Variants in SEC24B observed in about 807,000 individuals in gnomAD.
The protein encoded by SEC24B is SEC24 homolog B, COPII component, also known as protein transport protein Sec24B.
SEC24B carries 45 observed loss-of-function variants against 142.8 expected under a neutral mutation model. The ratio of observed to expected loss-of-function variants is 0.32; its 90% CI spans 0.25 to 0.40. The LOEUF (loss-of-function observed/expected upper bound fraction) is 0.40, where lower values mean the gene tolerates loss of function less well. SEC24B is among the 10% of genes least tolerant of loss of function. The probability of loss-of-function intolerance (pLI) is 1.00; values close to 1 mark genes in which losing one functional copy is unlikely to be tolerated. For synonymous variants in SEC24B, 574 were observed against 568.2 expected (o/e 1.01, Z -0.15); for missense variants, 1,409 against 1,526.8 (o/e 0.92, Z 1.29).
intron 4 of SEC24B, among the ~76,000 whole-genome samples, chr4:109,488,402 A>AATGGCATCCACATT (rs1166351488): frequency 6.6e-6 from 1 of 152,034 alleles, no homozygotes; most frequent in East Asian, 1.9e-4. Flanking sequence ...CTTTTAACAT[A>AATGGCATCCACATT]ATGTTTTCAA....
chr4:109,530,224 TTC>T (rs1724745651), intron 18 of SEC24B, 63 bp from the exon 19 acceptor site: 1 of 1,367,754 alleles, frequency 7.3e-7, no homozygotes, highest in Non-Finnish European at 9.8e-7. Context: ...CGTATAAATT[TTC>T]TCTCTTATAG....
rs559800521 is a variant in SEC24B, at chr4:109,449,598, G to T, written c.134-13303G>T. ...AGTGTCAGCATGGTCATATTCTAAT[G>T]AGGGCCCTCTATCCACCTTGTCACT... On this transcript the variant is annotated intron_variant, in intron 1 of 23. Transcript: ENST00000265175. 1,359 of 443,004 alleles carry T rather than the reference G, an allele frequency of 3.1e-3. 16 individuals carry two copies. The highest frequency in any genetic ancestry group is 9.0e-3 in the Middle Eastern group (27 of 2,988). The allele number at this position is 443,004 out of a possible 1,614,324, so 27.4% of individuals were successfully genotyped here. A position where few individuals can be genotyped will look rare whatever the true frequency, so the allele number is the denominator to read the frequency against.
At chr4:109,437,068 A>G (rs542566591) in intron 1 of SEC24B, among the ~76,000 whole-genome samples, 9 of 152,334 alleles carry the variant, frequency 5.9e-5, no homozygotes, top group African/African-American at 2.2e-4. Context: ...TACTTGTGAT[A>G]CTTATGATAG....
At chr4:109,502,100 G>A (rs1360412472) in intron 6 of SEC24B, among the ~76,000 whole-genome samples, 4 of 152,174 alleles carry the variant, frequency 2.6e-5, no homozygotes, top group Non-Finnish European at 5.9e-5. Flanking sequence ...GAAAGAAAAA[G>A]CATGGAAGGA....
At chr4:109,457,112 A>C (rs922785065) in intron 1 of SEC24B, among the ~76,000 whole-genome samples, 1 of 152,214 alleles carries the variant, frequency 6.6e-6, no homozygotes, top group African/African-American at 2.4e-5. Context: ...GTTTTTACTC[A>C]TGGATTTTCC....
rs939233583 is a variant in SEC24B at position 109,530,274 on chromosome 4, T to G, written c.3077-15T>G. 2 of 1,603,880 alleles carry G rather than the reference T, an allele frequency of 1.2e-6. No individual in the cohort carries two copies. Among genetic ancestry groups the G allele is most frequent in the Non-Finnish European group, 1.7e-6 (2 of 1,173,176 alleles). ...TCTAATGGTTAAAATACCTTTCACT[T>G]TGGTTGCTTTTTAGCTGTGGATCGG... On this transcript the variant is annotated splice_polypyrimidine_tract_variant and intron_variant, in intron 18 of 23. Coordinates refer to ENST00000265175, the MANE Select transcript of SEC24B (RefSeq NM_006323.5).
At chr4:109,534,048 T>A (rs1379546760) in intron 22 of SEC24B, among the ~76,000 whole-genome samples, 1 of 142,144 alleles carries the variant, frequency 7.0e-6, no homozygotes, top group Non-Finnish European at 1.5e-5. Flanking sequence ...TTAGTAGTTC[T>A]TTTTTTTTTT....
rs1343058810 is a variant in SEC24B at position 109,525,514 on chromosome 4, T to A, written c.2791+10T>A. On this transcript the variant is annotated intron_variant, in intron 16 of 23. Coordinates refer to ENST00000265175, the MANE Select transcript of SEC24B (RefSeq NM_006323.5). ...ATAAGGTGTACTAAAGGTATGAAGT[T>A]GTAAAAGTTATATTTTATATTAAAT... 6.4e-7 allele frequency: 1 copy of A among 1,573,838 alleles called. No homozygotes were observed. Among genetic ancestry groups the A allele is most frequent in the Admixed American group, 1.8e-5 (1 of 54,314 alleles).
rs141867569 is a variant in SEC24B at position 109,527,909 on chromosome 4, A to G, written c.3076+477A>G. Among the ~76,000 whole-genome samples, 162 of 152,296 alleles carry G rather than the reference A, an allele frequency of 1.1e-3. No individual in the cohort carries two copies. The East Asian group carries it at 0.025, about 24-fold the overall frequency. ...CATTTCTTCCTTAATCTTACTTTCA[A>G]AATCTTTGAGGGAATTCATAATCTC... On this transcript the variant is annotated intron_variant, in intron 18 of 23. Coordinates refer to ENST00000265175, the MANE Select transcript of SEC24B (RefSeq NM_006323.5).
intron 1 of SEC24B, among the ~76,000 whole-genome samples, chr4:109,452,408 C>T (rs1051158631): frequency 5.3e-5 from 8 of 152,134 alleles, no homozygotes; most frequent in African/African-American, 1.7e-4. Flanking sequence ...TCTGTGTGAA[C>T]GCAAGTTTGC....
intron 1 of SEC24B, among the ~76,000 whole-genome samples, chr4:109,436,517 G>A (rs751579833): frequency 1.3e-5 from 2 of 152,194 alleles, no homozygotes; most frequent in Admixed American, 6.5e-5. Flanking sequence ...TATGAAATAC[G>A]TTTGGCCTTT....
chr4:109,537,616 G>A (rs561859999), intron 22 of SEC24B, among the ~76,000 whole-genome samples: 54 of 152,260 alleles, frequency 3.5e-4, no homozygotes, highest in South Asian at 4.1e-4. Context: ...TACAGCCATT[G>A]CACTCCAGTC....
At chr4:109,440,096 G>T (rs1324429510) in intron 1 of SEC24B, among the ~76,000 whole-genome samples, 1 of 151,396 alleles carries the variant, frequency 6.6e-6, no homozygotes, top group East Asian at 2.0e-4. Flanking sequence ...CTCCAGCCTG[G>T]GGGACAAGAG....
chr4:109,445,753 G>A (rs1729395384), intron 1 of SEC24B, among the ~76,000 whole-genome samples: 1 of 150,662 alleles, frequency 6.6e-6, no homozygotes, highest in South Asian at 2.1e-4. Flanking sequence ...TTTCATGTTT[G>A]TAGAGATGAA....
chr4:109,481,717 C>G lies in SEC24B; in HGVS notation c.1101C>G (p.Ser367=). The G allele has an allele frequency of 1.2e-6, 2 of 1,613,766 alleles. No individual in the cohort carries two copies. Among genetic ancestry groups the G allele is most frequent in the Non-Finnish European group, 1.7e-6 (2 of 1,179,748 alleles). The stretch of plus-strand genomic sequence containing the variant: ...AATATGTTAATAACCAAGCTAGCTC[C>G]GCACCAACTCCCTTGTCATCAACTT... ...YGEYVNNQAS[S]APTPLSSTSD... Residue 367 remains serine, a synonymous_variant, in exon 4 of 24, where the codon TCC becomes TCG. Coordinates refer to ENST00000265175, the MANE Select transcript of SEC24B (RefSeq NM_006323.5).
intron 1 of SEC24B, among the ~76,000 whole-genome samples, chr4:109,449,111 A>G (rs1729785284): frequency 6.6e-6 from 1 of 152,176 alleles, no homozygotes; most frequent in Non-Finnish European, 1.5e-5. Context: ...TTCAGGGTTT[A>G]CGTGATACCA....
At chr4:109,504,646 A>G (rs1452314449) in intron 6 of SEC24B, among the ~76,000 whole-genome samples, 2 of 152,178 alleles carry the variant, frequency 1.3e-5, no homozygotes, top group African/African-American at 4.8e-5. Flanking sequence ...TCAAAATAAT[A>G]TCTGTTTATT....
chr4:109,535,776 C>T (rs947705818), intron 22 of SEC24B, among the ~76,000 whole-genome samples: 4 of 150,050 alleles, frequency 2.7e-5, no homozygotes, highest in African/African-American at 9.9e-5. Flanking sequence ...GGTATGAAAC[C>T]GGGAGGCGGA....
At chr4:109,525,270 T>C in intron 15 of SEC24B, 76 bp from the exon 16 acceptor site, 1 of 1,225,248 alleles carries the variant, frequency 8.2e-7, no homozygotes. Flanking sequence ...CTTCATAATG[T>C]AGAATCTGTA....
Sources: allele counts gnomAD v4.1 joint callset (sites outside exome capture counted in the v4.1 genomes callset), GRCh38; gene constraint gnomAD v4.1.1; transcripts MANE v1.5; gene names NCBI Gene and HGNC (gene_info 2026-07-23, HGNC 2026-07-21).